The following PDGFRA variants were observed in gnomAD, a reference collection of about 807,000 sequenced individuals.
The protein encoded by PDGFRA is platelet-derived growth factor receptor alpha.
In PDGFRA, 25 loss-of-function variants were observed where a neutral mutation model predicts 121.5. That is an observed-to-expected ratio of 0.21 (90% CI 0.15 to 0.29). PDGFRA has a LOEUF of 0.29. Ranked by LOEUF, PDGFRA falls within the 10% of genes least tolerant of loss-of-function variation. The pLI, the probability that PDGFRA is intolerant of heterozygous loss-of-function variation, is 1.00. For missense variants in PDGFRA, 1,008 were observed against 1,345.1 expected, an observed-to-expected ratio of 0.75 and a Z score of 3.92; for synonymous variants, 463 against 494.8, an observed-to-expected ratio of 0.94 and a Z score of 0.85.
chr4:54,243,489 A>G (rs111854957), intron 1 of PDGFRA: 25 of 152,390 alleles, frequency 1.6e-4, no homozygotes, highest in African/African-American at 5.8e-4. Flanking sequence ...GAGAAAGCTG[A>G]AGCATGAGCA....
rs1723782772 is a variant in PDGFRA, at chr4:54,277,234, CT to C, written c.1787-148del. On this transcript the variant is annotated intron_variant, in intron 12 of 22. Coordinates refer to ENST00000257290, the MANE Select transcript of PDGFRA (RefSeq NM_006206.6). The stretch of plus-strand genomic sequence containing the variant: ...ATTTCCTTCCCTGTGGGCTCAATTC[CT>C]TTTTTGACACGATGACTTGGAGGAG... 5 of 699,928 alleles carry C rather than the reference CT, an allele frequency of 7.1e-6. No homozygotes were observed. The East Asian group carries it at 1.3e-4, about 19-fold the overall frequency. 43.4% of individuals were successfully genotyped at this position (699,928 alleles called of 1,614,324 possible).
intron 7 of PDGFRA, among the ~76,000 whole-genome samples, chr4:54,268,227 G>A (rs7660560): frequency 0.18 from 27,159 of 152,150 alleles, 2,917 homozygotes; most frequent in Admixed American, 0.28. Context: ...GGCTAATCAG[G>A]AGAGAGATGT....
intron 16 of PDGFRA, chr4:54,282,049 A>G (rs1156280319): frequency 1.5e-5 from 12 of 794,148 alleles, no homozygotes; most frequent in Non-Finnish European, 1.9e-5. Flanking sequence ...GTTTATGTGT[A>G]TGTGTGTTTT....
intron 22 of PDGFRA, 108 bp downstream of exon 22, chr4:54,290,662 A>T: frequency 7.9e-7 from 1 of 1,269,108 alleles, no homozygotes; most frequent in Non-Finnish European, 1.1e-6. Flanking sequence ...GTAAATATGT[A>T]CTCAGGGACA....
At chr4:54,284,756 C>T (rs1159794349) in intron 16 of PDGFRA, among the ~76,000 whole-genome samples, 2 of 151,728 alleles carry the variant, frequency 1.3e-5, no homozygotes, top group Non-Finnish European at 2.9e-5. Flanking sequence ...GATTACACTT[C>T]AACATGAGAT....
intron 1 of PDGFRA, among the ~76,000 whole-genome samples, chr4:54,241,707 A>G (rs1721310363): frequency 6.6e-6 from 1 of 151,542 alleles, no homozygotes; most frequent in African/African-American, 2.4e-5. Flanking sequence ...GCACCACCAC[A>G]CCTGGCTAAT....
chr4:54,287,448 TGG>T lies in PDGFRA; in HGVS notation c.2582_2583del (p.Trp861TyrfsTer4). The T allele has an allele frequency of 6.7e-7, 1 of 1,496,226 alleles. No homozygotes were observed. The highest frequency in any genetic ancestry group is 9.3e-7 in the Non-Finnish European group (1 of 1,072,418). 92.7% of individuals were successfully genotyped at this position (1,496,226 alleles called of 1,614,324 possible). On this transcript the variant is annotated frameshift_variant, in exon 19 of 23. Coordinates refer to ENST00000257290, the MANE Select transcript of PDGFRA (RefSeq NM_006206.6). LOFTEE classifies it high-confidence loss of function. ...SKGSTFLPVKWMAPESIFDNL... is the reference protein window; with the variant it reads ...SKGSTFLPVKXMAPESIFDNL... ...CTTGCAGACCTTTCTGCCCGTGAAG[TGG>T]ATGGCTCCTGAGAGCATCTTTGACA...
intron 1 of PDGFRA, among the ~76,000 whole-genome samples, chr4:54,245,786 A>T (rs920395132): frequency 1.1e-4 from 17 of 152,322 alleles, no homozygotes; most frequent in African/African-American, 4.1e-4. Context: ...ATAAAGAGTC[A>T]AGACCCATCA....
At chr4:54,278,783 A>G (rs775958693) in intron 15 of PDGFRA, 31 of 608,628 alleles carry the variant, frequency 5.1e-5, no homozygotes, top group Non-Finnish European at 8.6e-5. Context: ...CTCTTCTGCT[A>G]TTTACATGTG....
At chr4:54,231,760 G>A (rs1720685625) in intron 1 of PDGFRA, among the ~76,000 whole-genome samples, 1 of 152,260 alleles carries the variant, frequency 6.6e-6, no homozygotes, top group Admixed American at 6.5e-5. Flanking sequence ...AGAGTGAGGG[G>A]AAGCCAAGAA....
intron 1 of PDGFRA, among the ~76,000 whole-genome samples, chr4:54,235,431 G>C (rs1054358442): frequency 6.6e-6 from 1 of 152,274 alleles, no homozygotes; most frequent in African/African-American, 2.4e-5. Flanking sequence ...CACTACCTTT[G>C]CACATTGCCT....
At chr4:54,231,935 C>G (rs916582838) in intron 1 of PDGFRA, among the ~76,000 whole-genome samples, 2 of 152,250 alleles carry the variant, frequency 1.3e-5, no homozygotes, top group Non-Finnish European at 2.9e-5. Context: ...GCCGGGCTTT[C>G]CAGCTGCAAA....
rs774190208 is a variant in PDGFRA, at chr4:54,287,480, C to T, written c.2613C>T (p.Leu871=). ...CTCCTGAGAGCATCTTTGACAACCT[C>T]TACACCACACTGAGTGATGTCTGGT... The part of the protein sequence containing the change: ...WMAPESIFDN[L]YTTLSDVWSY... Residue 871 remains leucine, a synonymous_variant, in exon 19 of 23, where the codon CTC becomes CTT. Coordinates refer to ENST00000257290, the MANE Select transcript of PDGFRA (RefSeq NM_006206.6). The T allele has an allele frequency of 1.1e-5, 17 of 1,580,620 alleles. No homozygotes were observed. The highest frequency in any genetic ancestry group is 1.5e-5 in the Non-Finnish European group (17 of 1,149,554).
At chr4:54,278,223 TAAAAAA>T (rs5858262) in intron 14 of PDGFRA, 133 bp from the exon 15 acceptor site, 28 of 547,700 alleles carry the variant, frequency 5.1e-5, no homozygotes, top group Admixed American at 1.0e-4. Context: ...GGCTCTTTAT[TAAAAAA>T]AAAAAAAAAA....
In PDGFRA at chr4:54,290,400, G is replaced by A; in HGVS notation, c.2968G>A (p.Gly990Ser). The A allele has an allele frequency of 6.2e-7, 1 of 1,613,678 alleles. No homozygotes were observed. Among genetic ancestry groups the A allele is most frequent in the Non-Finnish European group, 8.5e-7 (1 of 1,179,550 alleles). The change falls in exon 22 of 23, where the codon GGT becomes AGT. Residue 990 changes from glycine to serine, a missense_variant. Coordinates refer to ENST00000257290, the MANE Select transcript of PDGFRA (RefSeq NM_006206.6). ...TGTGGACTCAGACAATGCATACATT[G>A]GTGTCACCTACAAAAACGAGGAAGA... ...MRVDSDNAYI[G>S]VTYKNEEDKL...
At chr4:54,290,218 G>A in intron 21 of PDGFRA, 95 bp from the exon 22 acceptor site, 1 of 1,010,442 alleles carries the variant, frequency 9.9e-7, no homozygotes, top group South Asian at 1.3e-5. Context: ...TTGGAGATAT[G>A]TACAGTTAAA....
intron 2 of PDGFRA, 70 bp downstream of exon 2, chr4:54,258,887 G>GT (rs1722527400): frequency 5.7e-6 from 7 of 1,236,416 alleles, no homozygotes; most frequent in South Asian, 1.2e-5. Context: ...TGCTGCATGG[G>GT]TTTATTACCA....
Position 54,287,943 on chromosome 4 carries a change from G to A in PDGFRA, c.2674+402G>A, listed in dbSNP as rs530163473. On this transcript the variant is annotated intron_variant, in intron 19 of 22. Transcript: ENST00000257290. ...TTGATGCTCAGGTGAAAAGGGGTAC[G>A]TGGCGGGAAGGGCAGGGCTCTCATT... Among the ~76,000 whole-genome samples the A allele has an allele frequency of 3.7e-3, 565 of 152,256 alleles. 1 individual carries two copies. The highest frequency in any genetic ancestry group is 0.013 in the African/African-American group (552 of 41,546).
intron 1 of PDGFRA, among the ~76,000 whole-genome samples, chr4:54,235,779 C>A (rs767087463): frequency 6.6e-6 from 1 of 152,172 alleles, no homozygotes; most frequent in Non-Finnish European, 1.5e-5. Context: ...TGGGAGTCTG[C>A]AGAAAAAGTC....
Sources: gnomAD v4.1 joint callset for allele counts (sites outside exome capture counted in the v4.1 genomes callset) on GRCh38, gnomAD v4.1.1 for gene constraint, MANE v1.5 for transcripts, NCBI Gene and HGNC (gene_info 2026-07-23, HGNC 2026-07-21) for gene names.